The following LHCGR variants were observed in gnomAD, a reference collection of about 807,000 sequenced individuals.
The protein encoded by LHCGR is lutropin-choriogonadotropic hormone receptor.
In LHCGR, 55 loss-of-function variants were observed where a neutral mutation model predicts 60.7. The observed-to-expected ratio is 0.91, with a 90% confidence interval of 0.73 to 1.13. The LOEUF is 1.13. LHCGR is among the 50% of genes most tolerant of loss of function. LHCGR has a pLI of 0.00. For synonymous variants in LHCGR, 337 were observed against 316.5 expected, an observed-to-expected ratio of 1.06 and a Z score of -0.69; for missense variants, 862 against 836.0, an observed-to-expected ratio of 1.03 and a Z score of -0.38.
At chr2:48,720,866 A>G (rs1316692085) in intron 6 of LHCGR, 3 of 152,218 alleles carry the variant, frequency 2.0e-5, no homozygotes, top group Non-Finnish European at 4.4e-5. Flanking sequence ...TAAGGTTGCT[A>G]TGGGACTTAA....
chr2:48,752,563 A>G (rs1054794381), intron 1 of LHCGR, among the ~76,000 whole-genome samples: 5 of 149,370 alleles, frequency 3.3e-5, no homozygotes, highest in Non-Finnish European at 7.4e-5. Flanking sequence ...ATAACTTGCC[A>G]TCATAGCAGT....
chr2:48,710,898 C>G (rs760929398), intron 7 of LHCGR, among the ~76,000 whole-genome samples: 22 of 152,202 alleles, frequency 1.4e-4, no homozygotes, highest in Non-Finnish European at 2.4e-4. Context: ...TGCTCCTCCC[C>G]TGCTACTTAA....
intron 8 of LHCGR, among the ~76,000 whole-genome samples, chr2:48,701,901 T>A (rs1408925398): frequency 6.6e-6 from 1 of 152,234 alleles, no homozygotes; most frequent in African/African-American, 2.4e-5. Flanking sequence ...ATGACATGCC[T>A]GTTTATTGCT....
chr2:48,689,509 A>C (rs1476797414), intron 10 of LHCGR, among the ~76,000 whole-genome samples: 1 of 152,212 alleles, frequency 6.6e-6, no homozygotes, highest in African/African-American at 2.4e-5. Context: ...AATAGAAACC[A>C]AGGATAGATT....
chr2:48,700,320 TAGTAAC>T (rs1280519140), intron 8 of LHCGR, among the ~76,000 whole-genome samples: 2 of 152,174 alleles, frequency 1.3e-5, no homozygotes, highest in Admixed American at 6.5e-5. Flanking sequence ...TTTTCAGTCT[TAGTAAC>T]AGACTAGTGG....
At chr2:48,691,218 A>T (rs1185478194) in intron 10 of LHCGR, among the ~76,000 whole-genome samples, 1 of 152,146 alleles carries the variant, frequency 6.6e-6, no homozygotes, top group Non-Finnish European at 1.5e-5. Flanking sequence ...CTAACTTCCC[A>T]TGTTTTGTAT....
chr2:48,745,488 T>G (rs1035388041), intron 1 of LHCGR, among the ~76,000 whole-genome samples: 3 of 152,062 alleles, frequency 2.0e-5, no homozygotes, highest in African/African-American at 7.2e-5. Flanking sequence ...AAATGTGGCA[T>G]ATATACAACA....
At chr2:48,749,926 A>T (rs1221321554) in intron 1 of LHCGR, among the ~76,000 whole-genome samples, 1 of 152,058 alleles carries the variant, frequency 6.6e-6, no homozygotes, top group African/African-American at 2.4e-5. Flanking sequence ...AACAAATAAA[A>T]TCTAGTCCTT....
At position 48,723,393 on chromosome 2, in the gene LHCGR, C is replaced by T. The variant is rs190521088; in HGVS notation, c.536+63G>A. On this transcript the variant is annotated intron_variant, in intron 6 of 10. Coordinates refer to ENST00000294954, the MANE Select transcript of LHCGR (RefSeq NM_000233.4). ...GTAAAACATGAGAAAAAGCTCACCCCAACCTAGTAGTGAGACTAGCAGGAG... is the reference window on the plus strand; with the variant it reads ...GTAAAACATGAGAAAAAGCTCACCCTAACCTAGTAGTGAGACTAGCAGGAG... 360 of 1,163,528 alleles carry T rather than the reference C, an allele frequency of 3.1e-4. No homozygotes were observed. The African/African-American group carries it at 4.9e-3, about 16-fold the overall frequency. The allele number at this position is 1,163,528 out of a possible 1,614,324, so 72.1% of individuals were successfully genotyped here.
At chr2:48,749,853 T>C (rs1027341329) in intron 1 of LHCGR, among the ~76,000 whole-genome samples, 9 of 152,210 alleles carry the variant, frequency 5.9e-5, no homozygotes, top group African/African-American at 1.9e-4. Context: ...GGGAACTCTG[T>C]TGCTTGTTTT....
intron 1 of LHCGR, among the ~76,000 whole-genome samples, chr2:48,740,079 C>G (rs1240200875): frequency 6.6e-6 from 1 of 152,220 alleles, no homozygotes; most frequent in African/African-American, 2.4e-5. Context: ...AAAGGGGTGA[C>G]AGATGGCACC....
intron 6 of LHCGR, chr2:48,721,867 G>A (rs900501767): frequency 2.2e-6 from 1 of 453,736 alleles, no homozygotes; most frequent in African/African-American, 2.0e-5. Context: ...ATAAAGAAAT[G>A]AGGCCGGGGG....
intron 7 of LHCGR, among the ~76,000 whole-genome samples, chr2:48,712,679 ATAAT>A (rs1296743178): frequency 4.6e-5 from 7 of 150,902 alleles, no homozygotes; most frequent in Admixed American, 2.6e-4. Flanking sequence ...TTGTTTACTT[ATAAT>A]TAATTATATT....
chr2:48,716,833 G>A (rs1043077764), intron 6 of LHCGR, among the ~76,000 whole-genome samples: 1 of 152,084 alleles, frequency 6.6e-6, no homozygotes, highest in African/African-American at 2.4e-5. Context: ...ACTCTTGCCC[G>A]GTATTTGTCA....
chr2:48,719,362 C>G (rs974380552), intron 6 of LHCGR, among the ~76,000 whole-genome samples: 1 of 152,178 alleles, frequency 6.6e-6, no homozygotes, highest in Admixed American at 6.5e-5. Flanking sequence ...CCAGCAGTCT[C>G]TCTACTGTGG....
chr2:48,731,187 C>T, intron 2 of LHCGR, 40 bp downstream of exon 2: 3 of 1,351,500 alleles, frequency 2.2e-6, no homozygotes, highest in African/African-American at 1.4e-5. Flanking sequence ...ATTCATTATT[C>T]CAATTACGAA....
At chr2:48,739,578 T>G (rs569525169) in intron 1 of LHCGR, among the ~76,000 whole-genome samples, 1 of 151,066 alleles carries the variant, frequency 6.6e-6, no homozygotes, top group Non-Finnish European at 1.5e-5. Flanking sequence ...AACCAAACAC[T>G]GCATGTTCTC....
intron 8 of LHCGR, among the ~76,000 whole-genome samples, chr2:48,708,197 G>C (rs1667791163): frequency 6.6e-6 from 1 of 152,146 alleles, no homozygotes; most frequent in Non-Finnish European, 1.5e-5. Flanking sequence ...CCCTTTAACT[G>C]AGAGAGCCTG....
intron 10 of LHCGR, among the ~76,000 whole-genome samples, chr2:48,689,687 A>T (rs1218524612): frequency 6.6e-6 from 1 of 151,904 alleles, no homozygotes. Flanking sequence ...AACCCCACTG[A>T]TACTTCCTGA....
Sources: gnomAD v4.1 joint callset for allele counts (sites outside exome capture counted in the v4.1 genomes callset) on GRCh38, gnomAD v4.1.1 for gene constraint, MANE v1.5 for transcripts, NCBI Gene and HGNC (gene_info 2026-07-23, HGNC 2026-07-21) for gene names.